DLGAP2: variants seen among roughly 807,000 people sequenced by gnomAD.
DLGAP2 encodes the protein DLG associated protein 2, also known as disks large-associated protein 2.
DLGAP2 carries 26 observed loss-of-function variants against 100.3 expected under a neutral mutation model. The ratio of observed to expected loss-of-function variants is 0.26; its 90% CI spans 0.19 to 0.36. The LOEUF (loss-of-function observed/expected upper bound fraction) is 0.36. Ranked by LOEUF, DLGAP2 falls within the 10% of genes least tolerant of loss-of-function variation. DLGAP2 has a pLI of 1.00. For missense variants in DLGAP2, 1,858 were observed against 1,453.2 expected, an observed-to-expected ratio of 1.28 and a Z score of -4.53; for synonymous variants, 886 against 630.1, an observed-to-expected ratio of 1.41 and a Z score of -6.08.
Position 1,593,434 on chromosome 8 carries a change from G to A in DLGAP2, c.1442+27540G>A, listed in dbSNP as rs187926964. On this transcript the variant is annotated intron_variant, in intron 6 of 14. Transcript: ENST00000637795. Reference sequence around the variant, plus strand: ...CGCGCCACTGCACTCCAGCCTGGGCGACAAGGCAAGACTCCGTCTCAAAAA... The same window carrying A: ...CGCGCCACTGCACTCCAGCCTGGGCAACAAGGCAAGACTCCGTCTCAAAAA... Among the ~76,000 whole-genome samples the A allele has an allele frequency of 3.8e-4, 57 of 151,884 alleles. 1 individual carries two copies. The highest frequency in any genetic ancestry group is 1.3e-3 in the African/African-American group (54 of 41,400).
In DLGAP2 at chr8:1,257,205, C is replaced by T. The variant is rs116345431; in HGVS notation, c.74-1646C>T. The stretch of plus-strand genomic sequence containing the variant: ...TCTTTCCTTTCCACCAACCCTCTCC[C>T]GCTCACCCACAGAGCCCGACCTGCC... On this transcript the variant is annotated intron_variant, in intron 2 of 14. Coordinates refer to ENST00000637795, the MANE Select transcript of DLGAP2 (RefSeq NM_001346810.2). Among the ~76,000 whole-genome samples, 1,505 of 152,190 alleles carry T rather than the reference C, an allele frequency of 9.9e-3. 20 individuals carry two copies. Among genetic ancestry groups the T allele is most frequent in the African/African-American group, 0.034 (1,432 of 41,514 alleles).
rs563570329 is a variant in DLGAP2 at position 1,267,448 on chromosome 8, C to T, written c.106+8565C>T. On this transcript the variant is annotated intron_variant, in intron 3 of 14. Coordinates refer to ENST00000637795, the MANE Select transcript of DLGAP2 (RefSeq NM_001346810.2). ...AGGTGTGGCGGCGGGCGCCTGTAAC[C>T]CCAGCTAATTGGGAGGCTGAGAATC... is the stretch of plus-strand genomic sequence containing the variant. Among the ~76,000 whole-genome samples, 16 of 148,770 alleles carry T rather than the reference C, an allele frequency of 1.1e-4. No homozygotes were observed. In the South Asian group the frequency reaches 3.4e-3, roughly 32 times the overall value.
At chr8:982,736 T>C (rs910530590) in intron 2 of DLGAP2, among the ~76,000 whole-genome samples, 2 of 152,192 alleles carry the variant, frequency 1.3e-5, no homozygotes, top group Non-Finnish European at 2.9e-5. Context: ...AATAAGTCTC[T>C]GCACTGTGCT....
intron 3 of DLGAP2, among the ~76,000 whole-genome samples, chr8:1,291,002 G>C (rs746581244): frequency 2.0e-5 from 3 of 152,098 alleles, no homozygotes; most frequent in Non-Finnish European, 4.4e-5. Context: ...AGCCCTACAA[G>C]TAATACTAAA....
intron 6 of DLGAP2, among the ~76,000 whole-genome samples, chr8:1,585,553 A>T (rs993066568): frequency 6.6e-6 from 1 of 152,218 alleles, no homozygotes; most frequent in African/African-American, 2.4e-5. Context: ...CAACTGAAAA[A>T]CACATAATCC....
At chr8:773,680 T>C (rs1821428425) in intron 1 of DLGAP2, among the ~76,000 whole-genome samples, 1 of 152,028 alleles carries the variant, frequency 6.6e-6, no homozygotes, top group Non-Finnish European at 1.5e-5. Flanking sequence ...CATGAACTCA[T>C]CATTTTTTAT....
At chr8:1,277,797 C>G (rs1022127293) in intron 3 of DLGAP2, among the ~76,000 whole-genome samples, 4 of 152,170 alleles carry the variant, frequency 2.6e-5, no homozygotes, top group Admixed American at 2.6e-4. Context: ...TCACCTTTCT[C>G]CGCACGTTTC....
chr8:930,388 C>T (rs1179599845), intron 2 of DLGAP2, among the ~76,000 whole-genome samples: 5 of 152,158 alleles, frequency 3.3e-5, no homozygotes, highest in African/African-American at 4.8e-5. Flanking sequence ...GTAACATGAA[C>T]GAAGAGTTCC....
At chr8:1,345,814 G>A (rs1311581569) in intron 3 of DLGAP2, among the ~76,000 whole-genome samples, 3 of 152,200 alleles carry the variant, frequency 2.0e-5, no homozygotes, top group African/African-American at 7.2e-5. Context: ...ACCTACCTCA[G>A]CATTGTTGTA....
chr8:1,329,369 C>G (rs1465621646), intron 3 of DLGAP2, among the ~76,000 whole-genome samples: 1 of 152,164 alleles, frequency 6.6e-6, no homozygotes, highest in African/African-American at 2.4e-5. Context: ...AATTCATACT[C>G]CATTTCAATG....
chr8:1,420,223 C>G (rs760332323), intron 3 of DLGAP2, among the ~76,000 whole-genome samples: 1 of 152,096 alleles, frequency 6.6e-6, no homozygotes, highest in Non-Finnish European at 1.5e-5. Context: ...TCTGCATCAG[C>G]GTAAACTCAG....
At chr8:1,674,868 C>T (rs1253705063) in intron 10 of DLGAP2, among the ~76,000 whole-genome samples, 9 of 152,236 alleles carry the variant, frequency 5.9e-5, no homozygotes, top group African/African-American at 2.2e-4. Context: ...GAGGCAGCTC[C>T]ATATGTACAG....
Position 900,252 on chromosome 8 carries a change from C to T in DLGAP2, c.19-7660C>T, listed in dbSNP as rs535203062. ...GCCCTGCTCTTCAGGGCATTGCTCC[C>T]AGGCGGACGGTCGGCGCCATCCTGT... is the stretch of plus-strand genomic sequence containing the variant. On this transcript the variant is annotated intron_variant, in intron 1 of 14. Coordinates refer to ENST00000637795, the MANE Select transcript of DLGAP2 (RefSeq NM_001346810.2). Among the ~76,000 whole-genome samples the T allele has an allele frequency of 4.8e-4, 70 of 147,312 alleles. 1 individual carries two copies. In the Middle Eastern group the frequency reaches 0.015, roughly 32 times the overall value.
At position 797,894 on chromosome 8, in the gene DLGAP2, G is replaced by A. The variant is rs1046132508; in HGVS notation, c.18+60069G>A. Among the ~76,000 whole-genome samples the A allele has an allele frequency of 5.9e-5, 9 of 152,216 alleles. No homozygotes were observed. In the South Asian group the frequency reaches 1.7e-3, roughly 28 times the overall value. On this transcript the variant is annotated intron_variant, in intron 1 of 14. Coordinates refer to ENST00000637795, the MANE Select transcript of DLGAP2 (RefSeq NM_001346810.2). ...GCCTCCTGAGTAGCTGGGATTACAG[G>A]CGCCTGCCACCACACCTGGCTAATT...
At chr8:922,826 G>C (rs989425171) in intron 2 of DLGAP2, among the ~76,000 whole-genome samples, 2 of 152,194 alleles carry the variant, frequency 1.3e-5, no homozygotes, top group Admixed American at 6.5e-5. Context: ...TATGGCCACT[G>C]TTCTCTCAGG....
At chr8:1,516,108 A>G (rs1438902312) in intron 4 of DLGAP2, among the ~76,000 whole-genome samples, 1 of 151,954 alleles carries the variant, frequency 6.6e-6, no homozygotes, top group Admixed American at 6.5e-5. Context: ...TGACTGAGTG[A>G]ATGAGTGACT....
At chr8:1,178,103 T>G (rs7825456) in intron 2 of DLGAP2, among the ~76,000 whole-genome samples, 34,362 of 151,890 alleles carry the variant, frequency 0.23, 4,057 homozygotes, top group Middle Eastern at 0.37. Flanking sequence ...GGTGTCAGAG[T>G]CATTACCCCA....
At chr8:968,225 G>C (rs545402922) in intron 2 of DLGAP2, among the ~76,000 whole-genome samples, 2 of 152,266 alleles carry the variant, frequency 1.3e-5, no homozygotes, top group South Asian at 4.1e-4. Flanking sequence ...GTAAAAGGAA[G>C]ATGATTATGA....
intron 3 of DLGAP2, among the ~76,000 whole-genome samples, chr8:1,308,740 G>C (rs896746265): frequency 3.9e-5 from 6 of 152,040 alleles, no homozygotes; most frequent in Admixed American, 3.3e-4. Flanking sequence ...GGTCAGGCTG[G>C]TCTTGAACTC....
Sources: allele counts gnomAD v4.1 joint callset (sites outside exome capture counted in the v4.1 genomes callset), GRCh38; gene constraint gnomAD v4.1.1; transcripts MANE v1.5; gene names NCBI Gene and HGNC (gene_info 2026-07-23, HGNC 2026-07-21).